The following PDE7A variants were observed in gnomAD, a reference collection of about 807,000 sequenced individuals.
PDE7A encodes high affinity 3',5'-cyclic-AMP phosphodiesterase 7A.
PDE7A carries 39 observed loss-of-function variants against 64.3 expected under a neutral mutation model. The observed-to-expected ratio is 0.61, with a 90% CI of 0.47 to 0.79. PDE7A has a LOEUF of 0.79. PDE7A is among the 30% of genes least tolerant of loss of function. PDE7A has a pLI of 0.00. For synonymous variants in PDE7A, 203 were observed against 206.8 expected, an observed-to-expected ratio of 0.98 and a Z score of 0.16; for missense variants, 470 against 582.8, an observed-to-expected ratio of 0.81 and a Z score of 1.99.
rs536383254 is a variant in PDE7A at position 65,815,848 on chromosome 8, A to T, written c.138+25523T>A. Among the ~76,000 whole-genome samples the T allele has an allele frequency of 9.2e-5, 14 of 152,354 alleles. No homozygotes were observed. In the South Asian group the frequency reaches 2.7e-3, roughly 29 times the overall value. ...CATATCACAGAATTTTCACCATTAT[A>T]TGAAAGGGCTTTTAAAATATACCTC... On this transcript the variant is annotated intron_variant, in intron 1 of 12. Transcript: ENST00000401827.
At chr8:65,767,167 G>A (rs79278225) in intron 3 of PDE7A, among the ~76,000 whole-genome samples, 4,631 of 152,240 alleles carry the variant, frequency 0.03, 169 homozygotes, top group African/African-American at 0.089. Context: ...ACACAGGATT[G>A]CATGCACAGC....
intron 1 of PDE7A, among the ~76,000 whole-genome samples, chr8:65,804,520 C>T (rs1340021042): frequency 6.7e-6 from 1 of 148,290 alleles, no homozygotes; most frequent in Non-Finnish European, 1.5e-5. Context: ...TTTGAGAAAG[C>T]TGAAAGTTTC....
At position 65,801,466 on chromosome 8, in the gene PDE7A, T is replaced by C. The variant is rs564835430; in HGVS notation, c.139-18623A>G. On this transcript the variant is annotated intron_variant, in intron 1 of 12. Transcript: ENST00000401827. ...AAATTAAAGTGGGTGAACCTGAGTT[T>C]TAGGATTTTCACAACCTCATGGGTC... Among the ~76,000 whole-genome samples, 70 of 152,264 alleles carry C rather than the reference T, an allele frequency of 4.6e-4. No individual in the cohort carries two copies. In the South Asian group the frequency reaches 0.014, roughly 30 times the overall value.
intron 4 of PDE7A, among the ~76,000 whole-genome samples, chr8:65,746,019 C>T (rs1356398298): frequency 2.6e-5 from 4 of 151,898 alleles, no homozygotes; most frequent in Admixed American, 2.6e-4. Flanking sequence ...CAGCCATGAC[C>T]TCCTGGGCTC....
chr8:65,762,570 A>G (rs930540064), intron 3 of PDE7A, among the ~76,000 whole-genome samples: 3 of 152,220 alleles, frequency 2.0e-5, no homozygotes, highest in Non-Finnish European at 4.4e-5. Context: ...CTTCATCTGT[A>G]AAATAGGCCC....
intron 11 of PDE7A, 41 bp downstream of exon 11, chr8:65,724,214 T>C (rs1347946785): frequency 1.6e-6 from 2 of 1,264,082 alleles, no homozygotes; most frequent in Non-Finnish European, 2.3e-6. Flanking sequence ...TAAAAAAAAA[T>C]GAACTGGATA....
intron 1 of PDE7A, among the ~76,000 whole-genome samples, chr8:65,808,247 C>T (rs1357283351): frequency 6.6e-6 from 1 of 152,154 alleles, no homozygotes; most frequent in African/African-American, 2.4e-5. Context: ...TAGCAGCATA[C>T]CACTGGATAC....
chr8:65,730,094 CTTGGAAGCAGTA>C (rs1447555148), intron 7 of PDE7A, among the ~76,000 whole-genome samples: 1 of 149,876 alleles, frequency 6.7e-6, no homozygotes, highest in Non-Finnish European at 1.5e-5. Context: ...TGAGCTCTGC[CTTGGAAGCAGTA>C]GCTTCTCATA....
chr8:65,725,107 A>G (rs1256712962), intron 9 of PDE7A, among the ~76,000 whole-genome samples, 186 bp from the exon 10 acceptor site: 1 of 152,184 alleles, frequency 6.6e-6, no homozygotes, highest in African/African-American at 2.4e-5. Flanking sequence ...CATTAAAATA[A>G]CCAAAACTAA....
intron 1 of PDE7A, among the ~76,000 whole-genome samples, chr8:65,813,656 CTTTA>C (rs1810308755): frequency 1.3e-5 from 2 of 152,118 alleles, no homozygotes; most frequent in South Asian, 2.1e-4. Flanking sequence ...CAAGCATTGA[CTTTA>C]TTTTTTAATG....
intron 1 of PDE7A, among the ~76,000 whole-genome samples, chr8:65,833,151 C>T (rs532762225): frequency 6.6e-6 from 1 of 152,276 alleles, no homozygotes; most frequent in African/African-American, 2.4e-5. Flanking sequence ...CATGGCAGTC[C>T]TTTAAATCCT....
chr8:65,785,872 A>G (rs1053132697), intron 1 of PDE7A, among the ~76,000 whole-genome samples: 3 of 152,152 alleles, frequency 2.0e-5, no homozygotes, highest in Non-Finnish European at 4.4e-5. Flanking sequence ...TTACTATAAC[A>G]GTTGCTATTT....
chr8:65,788,526 A>G (rs1809619878), intron 1 of PDE7A, among the ~76,000 whole-genome samples: 1 of 152,210 alleles, frequency 6.6e-6, no homozygotes, highest in Non-Finnish European at 1.5e-5. Flanking sequence ...GTGTTATTAC[A>G]TTTTCTCCGA....
At chr8:65,840,597 C>G (rs1811057209) in intron 1 of PDE7A, among the ~76,000 whole-genome samples, 1 of 152,188 alleles carries the variant, frequency 6.6e-6, no homozygotes, top group South Asian at 2.1e-4. Flanking sequence ...ATTCTTTTCA[C>G]CTCTCTGTTT....
intron 1 of PDE7A, among the ~76,000 whole-genome samples, chr8:65,818,944 C>G (rs1356845939): frequency 6.6e-6 from 1 of 152,180 alleles, no homozygotes; most frequent in African/African-American, 2.4e-5. Flanking sequence ...TTCATGCCAA[C>G]CAAGCTGGGG....
chr8:65,829,626 C>T (rs915070114), intron 1 of PDE7A, among the ~76,000 whole-genome samples: 1 of 152,114 alleles, frequency 6.6e-6, no homozygotes, highest in African/African-American at 2.4e-5. Context: ...AACTTCTCCA[C>T]TTTCTTACTG....
At chr8:65,838,542 A>G (rs1216704450) in intron 1 of PDE7A, 7 of 152,202 alleles carry the variant, frequency 4.6e-5, no homozygotes, top group Non-Finnish European at 1.0e-4. Flanking sequence ...AAGCTTGTCC[A>G]TTTCAGTTCA....
chr8:65,840,726 G>A (rs1358647947), intron 1 of PDE7A, among the ~76,000 whole-genome samples: 2 of 152,232 alleles, frequency 1.3e-5, no homozygotes, highest in Non-Finnish European at 2.9e-5. Flanking sequence ...CTTCCCATGA[G>A]TGTACATCAG....
Position 65,716,208 on chromosome 8 carries a change from A to G in PDE7A, c.*3082T>C, listed in dbSNP as rs912868597. 6.6e-6 allele frequency among the ~76,000 whole-genome samples: 1 copy of G among 151,768 alleles called. No homozygotes were observed. The highest frequency in any genetic ancestry group is 6.6e-5 in the Admixed American group (1 of 15,232). The stretch of plus-strand genomic sequence containing the variant: ...GATTCCCACATATACATAATAAAAC[A>G]ACTTTTCAATGGGTTTATTATATGT... On this transcript the variant is annotated 3_prime_UTR_variant, in exon 13 of 13. Coordinates refer to ENST00000401827, the MANE Select transcript of PDE7A (RefSeq NM_001242318.3).
Sources: allele counts gnomAD v4.1 joint callset (sites outside exome capture counted in the v4.1 genomes callset), GRCh38; gene constraint gnomAD v4.1.1; transcripts MANE v1.5; gene names NCBI Gene and HGNC (gene_info 2026-07-23, HGNC 2026-07-21).